Variants in ARHGAP24 observed in about 807,000 individuals in gnomAD.
ARHGAP24 encodes rho GTPase-activating protein 24.
In ARHGAP24, 50 loss-of-function variants were observed where a neutral mutation model predicts 76.4. That is an observed-to-expected ratio of 0.65 (90% CI 0.52 to 0.83). The LOEUF (loss-of-function observed/expected upper bound fraction) is 0.83, where lower values mean the gene tolerates loss of function less well. Among genes scored for constraint, ARHGAP24 ranks in the 40% least tolerant of loss-of-function variants. The probability of loss-of-function intolerance (pLI) is 0.00; values close to 1 mark genes in which losing one functional copy is unlikely to be tolerated. For missense variants in ARHGAP24, 930 were observed against 914.2 expected, an observed-to-expected ratio of 1.02 and a Z score of -0.22; for synonymous variants, 345 against 323.3, an observed-to-expected ratio of 1.07 and a Z score of -0.72.
rs532655797 is a variant in ARHGAP24 at position 85,747,163 on chromosome 4, T to A, written c.268+25191T>A. On this transcript the variant is annotated intron_variant, in intron 3 of 9. Transcript: ENST00000395184. The stretch of plus-strand genomic sequence containing the variant: ...CTGGAGCAACATGAGCAAAGCTAAC[T>A]TTTAAAATAAGCTCTTTCATTTTTT... Among the ~76,000 whole-genome samples the A allele has an allele frequency of 3.6e-3, 542 of 152,362 alleles. 2 individuals carry two copies. The highest frequency in any genetic ancestry group is 6.0e-3 in the Non-Finnish European group (411 of 68,036).
At chr4:85,959,179 G>A (rs993514587) in intron 5 of ARHGAP24, among the ~76,000 whole-genome samples, 1 of 152,182 alleles carries the variant, frequency 6.6e-6, no homozygotes, top group Non-Finnish European at 1.5e-5. Context: ...GATTATTCAT[G>A]CCTCCCCTTT....
chr4:85,953,756 C>A (rs986326131), intron 5 of ARHGAP24, among the ~76,000 whole-genome samples: 7 of 151,952 alleles, frequency 4.6e-5, no homozygotes, highest in Non-Finnish European at 8.8e-5. Flanking sequence ...GAGGTCAGGG[C>A]AGAGGGAGAC....
intron 3 of ARHGAP24, among the ~76,000 whole-genome samples, chr4:85,828,774 G>A (rs904256558): frequency 6.6e-6 from 1 of 151,948 alleles, no homozygotes; most frequent in Non-Finnish European, 1.5e-5. Context: ...GACCTTAATC[G>A]TGGGTCAGTT....
intron 2 of ARHGAP24, among the ~76,000 whole-genome samples, chr4:85,643,441 G>A (rs1721605193): frequency 8.4e-6 from 1 of 118,368 alleles, no homozygotes; most frequent in Non-Finnish European, 1.8e-5. Context: ...TGTATTTTTA[G>A]TAGAGACGGG....
At chr4:85,923,896 T>C (rs1350776736) in intron 4 of ARHGAP24, 126 bp downstream of exon 4, 1 of 1,382,494 alleles carries the variant, frequency 7.2e-7, no homozygotes, top group East Asian at 2.4e-5. Flanking sequence ...AATTGTAAAT[T>C]GTTCAACATT....
At chr4:85,823,432 T>C (rs936504584) in intron 3 of ARHGAP24, among the ~76,000 whole-genome samples, 1 of 152,192 alleles carries the variant, frequency 6.6e-6, no homozygotes, top group African/African-American at 2.4e-5. Flanking sequence ...ACTAGGGGCA[T>C]TGACACTAAT....
chr4:85,672,094 A>C (rs1291127904), intron 2 of ARHGAP24, among the ~76,000 whole-genome samples: 1 of 152,294 alleles, frequency 6.6e-6, no homozygotes, highest in Non-Finnish European at 1.5e-5. Flanking sequence ...GCACACCAGG[A>C]GTCATTCTGT....
intron 2 of ARHGAP24, among the ~76,000 whole-genome samples, chr4:85,629,378 A>T (rs1172872952): frequency 6.6e-6 from 1 of 152,190 alleles, no homozygotes; most frequent in African/African-American, 2.4e-5. Context: ...AAATCAAGTT[A>T]TTTATATACT....
At chr4:85,909,616 TA>T (rs1355117913) in intron 3 of ARHGAP24, among the ~76,000 whole-genome samples, 1 of 152,194 alleles carries the variant, frequency 6.6e-6, no homozygotes, top group East Asian at 1.9e-4. Context: ...TACTGCTGCA[TA>T]AACCCATGGG....
intron 3 of ARHGAP24, among the ~76,000 whole-genome samples, chr4:85,799,546 A>G (rs1159062973): frequency 2.0e-5 from 3 of 152,196 alleles, no homozygotes; most frequent in Non-Finnish European, 2.9e-5. Context: ...ATTCCAAATC[A>G]CAAATATCCA....
chr4:85,481,691 A>G (rs1434797169), intron 1 of ARHGAP24, among the ~76,000 whole-genome samples: 2 of 152,218 alleles, frequency 1.3e-5, no homozygotes, highest in Non-Finnish European at 2.9e-5. Context: ...ATTCCATGAC[A>G]TGGGGACATA....
intron 2 of ARHGAP24, among the ~76,000 whole-genome samples, chr4:85,644,662 C>T (rs1416342691): frequency 1.3e-5 from 2 of 152,038 alleles, no homozygotes; most frequent in East Asian, 3.9e-4. Flanking sequence ...TCAAGAAATA[C>T]TAATTAATGA....
chr4:85,901,438 T>G (rs1010265148), intron 3 of ARHGAP24, among the ~76,000 whole-genome samples: 1 of 152,200 alleles, frequency 6.6e-6, no homozygotes, highest in Non-Finnish European at 1.5e-5. Flanking sequence ...TCTCATATTC[T>G]AATTGCCTAC....
intron 2 of ARHGAP24, among the ~76,000 whole-genome samples, chr4:85,671,706 A>C (rs1451484634): frequency 2.0e-5 from 3 of 152,196 alleles, no homozygotes; most frequent in Non-Finnish European, 4.4e-5. Context: ...TTCAGAGCAG[A>C]GCTTTCTGTA....
At chr4:85,768,750 G>A (rs999120128) in intron 3 of ARHGAP24, among the ~76,000 whole-genome samples, 28 of 152,122 alleles carry the variant, frequency 1.8e-4, no homozygotes, top group African/African-American at 6.7e-4. Context: ...GCACTCCAGC[G>A]TGGGCAACAG....
chr4:85,930,139 C>A, intron 4 of ARHGAP24: 1 of 689,576 alleles, frequency 1.5e-6, no homozygotes, highest in Non-Finnish European at 1.8e-6. Context: ...AGCTCCCTCC[C>A]AGTTCTCATT....
At chr4:85,696,256 G>A (rs912421008) in intron 2 of ARHGAP24, among the ~76,000 whole-genome samples, 2 of 151,808 alleles carry the variant, frequency 1.3e-5, no homozygotes, top group African/African-American at 4.8e-5. Context: ...GGATCCAACA[G>A]CTTTTATTTT....
intron 1 of ARHGAP24, among the ~76,000 whole-genome samples, chr4:85,525,257 C>CT (rs34087239): frequency 0.26 from 33,890 of 128,236 alleles, 5,786 homozygotes; most frequent in East Asian, 0.76. Flanking sequence ...GTATTATCGG[C>CT]TTTTTTTTTT....
chr4:85,680,794 A>AATT (rs1267038886), intron 2 of ARHGAP24, among the ~76,000 whole-genome samples: 8 of 148,700 alleles, frequency 5.4e-5, no homozygotes, highest in African/African-American at 1.7e-4. Context: ...TTATAATTAT[A>AATT]ATTATAATAT....
Sources: gnomAD v4.1 joint callset for allele counts (sites outside exome capture counted in the v4.1 genomes callset) on GRCh38, gnomAD v4.1.1 for gene constraint, MANE v1.5 for transcripts, NCBI Gene and HGNC (gene_info 2026-07-23, HGNC 2026-07-21) for gene names.